Variants in FCHSD2 observed in about 807,000 individuals in gnomAD.
FCHSD2 encodes the protein FCH and double SH3 domains 2, also known as F-BAR and double SH3 domains protein 2.
In FCHSD2, 38 loss-of-function variants were observed where a neutral mutation model predicts 108.1. The ratio of observed to expected loss-of-function variants is 0.35; its 90% CI spans 0.27 to 0.46. FCHSD2 has a LOEUF of 0.46. FCHSD2 is among the 20% of genes least tolerant of loss of function. The probability of loss-of-function intolerance (pLI) is 1.00; values close to 1 mark genes in which losing one functional copy is unlikely to be tolerated. For missense variants in FCHSD2, 751 were observed against 897.8 expected, an observed-to-expected ratio of 0.84 and a Z score of 2.09; for synonymous variants, 279 against 314.7, an observed-to-expected ratio of 0.89 and a Z score of 1.20.
intron 3 of FCHSD2, among the ~76,000 whole-genome samples, chr11:73,034,729 T>C (rs1282250007): frequency 1.3e-5 from 2 of 152,232 alleles, no homozygotes; most frequent in South Asian, 4.1e-4. Flanking sequence ...CAAAATGACC[T>C]GCAAATTTTA....
At chr11:73,030,425 A>G (rs1389256446) in intron 3 of FCHSD2, among the ~76,000 whole-genome samples, 1 of 152,178 alleles carries the variant, frequency 6.6e-6, no homozygotes, top group Admixed American at 6.5e-5. Flanking sequence ...CCATACATAA[A>G]TGTATCCAAG....
At chr11:73,013,150 T>C (rs1255366518) in intron 4 of FCHSD2, among the ~76,000 whole-genome samples, 2 of 152,350 alleles carry the variant, frequency 1.3e-5, no homozygotes, top group Non-Finnish European at 1.5e-5. Context: ...CCTTTTATGA[T>C]GCCTACCTAT....
chr11:72,892,024 T>C (rs1040818879), intron 10 of FCHSD2, among the ~76,000 whole-genome samples: 16 of 152,162 alleles, frequency 1.1e-4, no homozygotes, highest in Admixed American at 7.9e-4. Context: ...AAAATGAAGA[T>C]TGAAGATATA....
intron 2 of FCHSD2, among the ~76,000 whole-genome samples, chr11:73,096,986 G>GA (rs1860095351): frequency 5.1e-5 from 1 of 19,474 alleles, no homozygotes; most frequent in African/African-American, 2.8e-4. Flanking sequence ...TTCATTGATG[G>GA]ATTTTTTTTT....
At chr11:72,862,525 A>G (rs1391255345) in intron 13 of FCHSD2, among the ~76,000 whole-genome samples, 1 of 152,238 alleles carries the variant, frequency 6.6e-6, no homozygotes, top group East Asian at 1.9e-4. Context: ...AGTCTGACAA[A>G]GGATATGCAA....
chr11:73,007,091 TATC>T (rs1233412887), intron 4 of FCHSD2, among the ~76,000 whole-genome samples: 1 of 152,248 alleles, frequency 6.6e-6, no homozygotes, highest in South Asian at 2.1e-4. Context: ...ATTATTTTCT[TATC>T]ATTTTTGTTA....
chr11:73,081,053 CT>C (rs1273347029), intron 3 of FCHSD2, among the ~76,000 whole-genome samples: 1 of 152,254 alleles, frequency 6.6e-6, no homozygotes, highest in Non-Finnish European at 1.5e-5. Flanking sequence ...TGGAAAAAGA[CT>C]GGGATTGGAG....
At chr11:73,056,030 A>T (rs891674815) in intron 3 of FCHSD2, among the ~76,000 whole-genome samples, 1 of 152,040 alleles carries the variant, frequency 6.6e-6, no homozygotes, top group African/African-American at 2.4e-5. Flanking sequence ...TTACCACAAT[A>T]AAAAAAATCT....
intron 2 of FCHSD2, among the ~76,000 whole-genome samples, chr11:73,127,242 C>A (rs1319845586): frequency 6.6e-6 from 1 of 152,052 alleles, no homozygotes; most frequent in Non-Finnish European, 1.5e-5. Context: ...TCCAAGCTCA[C>A]AAAACAGAAA....
chr11:72,920,041 A>G (rs1855948918), intron 9 of FCHSD2, among the ~76,000 whole-genome samples: 1 of 152,112 alleles, frequency 6.6e-6, no homozygotes, highest in Non-Finnish European at 1.5e-5. Flanking sequence ...TAAAAACAAG[A>G]AAGACTGAAA....
intron 3 of FCHSD2, among the ~76,000 whole-genome samples, chr11:73,061,551 A>G (rs954035175): frequency 6.6e-6 from 1 of 152,196 alleles, no homozygotes; most frequent in Non-Finnish European, 1.5e-5. Flanking sequence ...GCAAACTAAG[A>G]TCCACTGGCT....
intron 2 of FCHSD2, among the ~76,000 whole-genome samples, chr11:73,112,841 T>A (rs1476672251): frequency 6.6e-6 from 1 of 152,150 alleles, no homozygotes; most frequent in Non-Finnish European, 1.5e-5. Flanking sequence ...TTATTTAGTA[T>A]TTTTAGTAGA....
intron 3 of FCHSD2, among the ~76,000 whole-genome samples, chr11:73,033,247 C>A (rs1026428046): frequency 6.7e-6 from 1 of 149,814 alleles, no homozygotes; most frequent in Admixed American, 6.7e-5. Flanking sequence ...GAGATCGCGC[C>A]ACTGCACTCC....
At chr11:73,041,010 T>C (rs899403154) in intron 3 of FCHSD2, among the ~76,000 whole-genome samples, 1 of 152,226 alleles carries the variant, frequency 6.6e-6, no homozygotes, top group African/African-American at 2.4e-5. Flanking sequence ...CTTATTTCGC[T>C]TAACATAATG....
At chr11:73,089,116 A>C (rs1859893134) in intron 2 of FCHSD2, among the ~76,000 whole-genome samples, 1 of 152,214 alleles carries the variant, frequency 6.6e-6, no homozygotes, top group Non-Finnish European at 1.5e-5. Context: ...CATAATAAAT[A>C]TTTGGAAATC....
chr11:73,003,097 T>C (rs1857659702), intron 4 of FCHSD2, among the ~76,000 whole-genome samples: 1 of 152,042 alleles, frequency 6.6e-6, no homozygotes, highest in Non-Finnish European at 1.5e-5. Context: ...ACCTTTAGAG[T>C]TTAGCAGATT....
At chr11:72,969,837 C>T (rs115419800) in intron 8 of FCHSD2, among the ~76,000 whole-genome samples, 94 of 152,260 alleles carry the variant, frequency 6.2e-4, no homozygotes, top group African/African-American at 2.2e-3. Context: ...GAAGTTTAAA[C>T]ACACACATTG....
chr11:73,105,132 T>A (rs1860312341), intron 2 of FCHSD2, among the ~76,000 whole-genome samples: 1 of 152,262 alleles, frequency 6.6e-6, no homozygotes, highest in Admixed American at 6.5e-5. Context: ...ATGAGGAAAG[T>A]ACAAATCAGG....
At chr11:72,897,762 A>G (rs1337339121) in intron 10 of FCHSD2, among the ~76,000 whole-genome samples, 1 of 152,174 alleles carries the variant, frequency 6.6e-6, no homozygotes, top group Non-Finnish European at 1.5e-5. Flanking sequence ...TAACATTGAG[A>G]TCCTAATAAA....
Sources: allele counts gnomAD v4.1 joint callset (sites outside exome capture counted in the v4.1 genomes callset), GRCh38; gene constraint gnomAD v4.1.1; transcripts MANE v1.5; gene names NCBI Gene and HGNC (gene_info 2026-07-23, HGNC 2026-07-21).